The following PNPT1 variants were observed in gnomAD, a reference collection of about 807,000 sequenced individuals.
The protein encoded by PNPT1 is polyribonucleotide nucleotidyltransferase 1.
A neutral mutation model predicts 119.5 loss-of-function variants in PNPT1; 53 were observed. That is an observed-to-expected ratio of 0.44 (90% confidence interval 0.36 to 0.56). PNPT1 has a LOEUF of 0.56. Among genes scored for constraint, PNPT1 ranks in the 20% least tolerant of loss-of-function variants. The pLI is 0.00. For missense variants in PNPT1, 948 were observed against 938.5 expected, an observed-to-expected ratio of 1.01 and a Z score of -0.13; for synonymous variants, 357 against 322.1, an observed-to-expected ratio of 1.11 and a Z score of -1.16.
intron 18 of PNPT1, among the ~76,000 whole-genome samples, chr2:55,650,669 C>G (rs1007767909): frequency 6.6e-6 from 1 of 151,048 alleles, no homozygotes; most frequent in Non-Finnish European, 1.5e-5. Flanking sequence ...GGGAGCACCT[C>G]TGCCCTGCCG....
intron 19 of PNPT1, among the ~76,000 whole-genome samples, chr2:55,647,124 A>G (rs1008572095): frequency 8.5e-5 from 13 of 152,074 alleles, no homozygotes; most frequent in African/African-American, 3.1e-4. Context: ...ATTACTATTA[A>G]TATAATATCT....
chr2:55,654,219 T>G (rs1469749684), intron 18 of PNPT1, among the ~76,000 whole-genome samples: 1 of 144,436 alleles, frequency 6.9e-6, no homozygotes, highest in Non-Finnish European at 1.5e-5. Context: ...ACTGCACCAC[T>G]GCACTTCAGC....
chr2:55,680,222 C>T (rs782621), intron 7 of PNPT1, among the ~76,000 whole-genome samples: 142,406 of 152,258 alleles, frequency 0.94, 67,176 homozygotes, highest in African/African-American at 0.98. Context: ...TAACACTGAT[C>T]ATAAGTAATT....
intron 26 of PNPT1, among the ~76,000 whole-genome samples, chr2:55,639,507 T>C (rs1695777038): frequency 6.6e-6 from 1 of 152,242 alleles, no homozygotes; most frequent in South Asian, 2.1e-4. Flanking sequence ...TTAAAACTGA[T>C]ATCTTAATTT....
chr2:55,681,016 T>G, intron 5 of PNPT1, 98 bp from the exon 6 acceptor site: 1 of 929,544 alleles, frequency 1.1e-6, no homozygotes. Context: ...AGCAGGGGCT[T>G]TGTAGCCAAA....
At chr2:55,641,125 G>A (rs1408247586) in intron 25 of PNPT1, among the ~76,000 whole-genome samples, 2 of 152,060 alleles carry the variant, frequency 1.3e-5, no homozygotes, top group Non-Finnish European at 2.9e-5. Context: ...TCAGGAGGGT[G>A]AGGCAGGAGA....
chr2:55,647,002 AATTTTTGT>A (rs948219272), intron 19 of PNPT1, among the ~76,000 whole-genome samples: 3 of 152,078 alleles, frequency 2.0e-5, no homozygotes, highest in Admixed American at 6.6e-5. Context: ...TGCCCAGGCT[AATTTTTGT>A]ATTTTTAGTA....
intron 25 of PNPT1, among the ~76,000 whole-genome samples, chr2:55,642,707 A>T (rs1248946813): frequency 6.6e-6 from 1 of 152,208 alleles, no homozygotes; most frequent in Admixed American, 6.5e-5. Flanking sequence ...ATAGAAAACA[A>T]AATATACTAT....
At chr2:55,684,543 G>C (rs1164565449) in intron 4 of PNPT1, among the ~76,000 whole-genome samples, 1 of 152,232 alleles carries the variant, frequency 6.6e-6, no homozygotes, top group Non-Finnish European at 1.5e-5. Flanking sequence ...AGATTTGAAA[G>C]ATTATGGACA....
intron 8 of PNPT1, among the ~76,000 whole-genome samples, chr2:55,674,106 T>C (rs1234545116): frequency 6.6e-6 from 1 of 152,244 alleles, no homozygotes; most frequent in African/African-American, 2.4e-5. Context: ...AATTCTCACA[T>C]TGTCTAATTC....
At position 55,679,736 on chromosome 2, in the gene PNPT1, T is replaced by C; in HGVS notation, c.625A>G (p.Met209Val). 8 of 1,612,776 alleles carry C rather than the reference T, an allele frequency of 5.0e-6. No individual in the cohort carries two copies. Among genetic ancestry groups the C allele is most frequent in the Non-Finnish European group, 5.9e-6 (7 of 1,179,318 alleles). The change falls in exon 8 of 28, where the codon ATG becomes GTG. Residue 209 changes from methionine (M) to valine (V), a missense_variant. Transcript: ENST00000447944. Reference sequence around the variant, plus strand: ...ACTAAATTTAAAGTACTAGAAGACATTTCTTTTCTTGTTGGGTTAACAACA... The same window carrying C: ...ACTAAATTTAAAGTACTAGAAGACACTTCTTTTCTTGTTGGGTTAACAACA... ...EYVVNPTRKEMSSSTLNLVVA... is the reference protein window; with the variant it reads ...EYVVNPTRKEVSSSTLNLVVA...
At chr2:55,664,993 C>G (rs936773733) in intron 13 of PNPT1, among the ~76,000 whole-genome samples, 1 of 151,964 alleles carries the variant, frequency 6.6e-6, no homozygotes, top group Admixed American at 6.6e-5. Context: ...ACAAATGTAT[C>G]TAAATTTTAA....
At chr2:55,651,954 G>T (rs545283940) in intron 18 of PNPT1, among the ~76,000 whole-genome samples, 1 of 146,256 alleles carries the variant, frequency 6.8e-6, no homozygotes, top group East Asian at 2.0e-4. Context: ...CACCTCTTTC[G>T]AGTAGATTCC....
At chr2:55,659,346 C>T (rs1437111905) in intron 15 of PNPT1, among the ~76,000 whole-genome samples, 1 of 152,190 alleles carries the variant, frequency 6.6e-6, no homozygotes, top group African/African-American at 2.4e-5. Context: ...CAATCACAAA[C>T]TCAATTATCT....
In PNPT1 at chr2:55,639,710, T is replaced by C. The variant is rs544429109; in HGVS notation, c.2148+917A>G. Among the ~76,000 whole-genome samples, 13 of 152,338 alleles carry C rather than the reference T, an allele frequency of 8.5e-5. No homozygotes were observed. The South Asian group carries it at 2.3e-3, about 27-fold the overall frequency. On this transcript the variant is annotated intron_variant, in intron 26 of 27. Transcript: ENST00000447944. ...GGTTGCTGATTATCTCTTAACCTTA[T>C]TGAAATTTTTGCCATATAATTAAAA...
intron 18 of PNPT1, among the ~76,000 whole-genome samples, chr2:55,652,420 TC>T (rs1434375630): frequency 6.6e-6 from 1 of 152,208 alleles, no homozygotes; most frequent in Non-Finnish European, 1.5e-5. Context: ...ACTATTAAGC[TC>T]CATATTTTTT....
At chr2:55,657,746 TAGAG>T (rs1459668343) in intron 15 of PNPT1, among the ~76,000 whole-genome samples, 2 of 149,334 alleles carry the variant, frequency 1.3e-5, no homozygotes, top group East Asian at 2.0e-4. Flanking sequence ...TTGCAGGAAA[TAGAG>T]AGGGGGGAGG....
chr2:55,665,439 A>G (rs1293364233), intron 13 of PNPT1, among the ~76,000 whole-genome samples: 1 of 152,262 alleles, frequency 6.6e-6, no homozygotes, highest in Non-Finnish European at 1.5e-5. Context: ...TTAAAAGGCA[A>G]TAAATAAAGA....
At chr2:55,653,491 CAGTATG>C (rs1400389318) in intron 18 of PNPT1, among the ~76,000 whole-genome samples, 1 of 152,058 alleles carries the variant, frequency 6.6e-6, no homozygotes, top group African/African-American at 2.4e-5. Flanking sequence ...CAGTGTTTTC[CAGTATG>C]AGATTTGGAA....
Sources: allele counts gnomAD v4.1 joint callset (sites outside exome capture counted in the v4.1 genomes callset), GRCh38; gene constraint gnomAD v4.1.1; transcripts MANE v1.5; gene names NCBI Gene and HGNC (gene_info 2026-07-23, HGNC 2026-07-21).